Variants in GTF2I observed in about 807,000 individuals in gnomAD.
GTF2I encodes general transcription factor II-I.
In GTF2I, 12 loss-of-function variants were observed where a neutral mutation model predicts 67.6. The observed-to-expected ratio is 0.18, with a 90% CI of 0.11 to 0.29. GTF2I has a LOEUF of 0.29. GTF2I is among the 10% of genes least tolerant of loss of function. The probability of loss-of-function intolerance (pLI) is 1.00; values close to 1 mark genes in which losing one functional copy is unlikely to be tolerated. For synonymous variants in GTF2I, 149 were observed against 197.0 expected, an observed-to-expected ratio of 0.76 and a Z score of 2.04; for missense variants, 271 against 580.1, an observed-to-expected ratio of 0.47 and a Z score of 5.47.
chr7:74,700,944 A>C (rs781828524), intron 6 of GTF2I, among the ~76,000 whole-genome samples: 1 of 152,192 alleles, frequency 6.6e-6, no homozygotes, highest in African/African-American at 2.4e-5. Flanking sequence ...TGGGCACAGC[A>C]TTGGGTGGGG....
intron 1 of GTF2I, among the ~76,000 whole-genome samples, chr7:74,678,302 AG>A (rs1336699609): frequency 2.7e-5 from 4 of 150,380 alleles, no homozygotes; most frequent in Non-Finnish European, 5.9e-5. Context: ...ACTGTCTTCC[AG>A]GGACAATATC....
intron 12 of GTF2I, chr7:74,727,189 T>A (rs1176981755): frequency 6.6e-6 from 1 of 152,224 alleles, no homozygotes; most frequent in East Asian, 1.9e-4. Context: ...TCCAGTTGAT[T>A]AGCACGGCCA....
intron 14 of GTF2I, among the ~76,000 whole-genome samples, chr7:74,731,985 C>T (rs1232407518): frequency 2.0e-5 from 3 of 150,212 alleles, no homozygotes; most frequent in African/African-American, 7.3e-5. Flanking sequence ...GTCTTAGTAT[C>T]CTCTTTTGTG....
At chr7:74,720,291 GTCTC>G (rs1792784982) in intron 12 of GTF2I, among the ~76,000 whole-genome samples, 1 of 151,812 alleles carries the variant, frequency 6.6e-6, no homozygotes, top group African/African-American at 2.4e-5. Flanking sequence ...TTTGCTGTCT[GTCTC>G]TCTTTCTCTC....
chr7:74,699,090 G>T lies in GTF2I; in HGVS notation c.368G>T (p.Cys123Phe). Residue 123 changes from cysteine (C) to phenylalanine (F), a missense_variant, in exon 4 of 35, where the codon TGC becomes TTC. Cys to Phe is a radical substitution (Grantham distance 205). Around this residue, in one of 9 missense-constraint regions of GTF2I, gnomAD observed 38 missense variants for 87.8 expected, o/e 0.43. Transcript: ENST00000573035. ...ACAGTTGAGGACTATTTCTGCTTTT[G>T]CTATGGTAAAAACAATAGATTTAAT... is the stretch of plus-strand genomic sequence containing the variant. Reference protein sequence around the residue: ...RKTVEDYFCFCYGKALGKSTV... With the variant: ...RKTVEDYFCFFYGKALGKSTV... The T allele has an allele frequency of 6.7e-7, 1 of 1,499,050 alleles. No individual in the cohort carries two copies. The highest frequency in any genetic ancestry group is 8.9e-7 in the Non-Finnish European group (1 of 1,117,734). The allele number at this position is 1,499,050 out of a possible 1,614,324, so 92.9% of individuals were successfully genotyped here. A position where few individuals can be genotyped will look rare whatever the true frequency, so the allele number is the denominator to read the frequency against.
intron 9 of GTF2I, among the ~76,000 whole-genome samples, chr7:74,713,641 A>G (rs118014609): frequency 1.3e-5 from 2 of 152,160 alleles, no homozygotes; most frequent in Non-Finnish European, 2.9e-5. Flanking sequence ...ACATGCTTGT[A>G]ATTGACTTAA....
intron 7 of GTF2I, among the ~76,000 whole-genome samples, chr7:74,705,753 G>A (rs1020738228): frequency 1.3e-5 from 2 of 151,918 alleles, no homozygotes; most frequent in African/African-American, 2.4e-5. Flanking sequence ...TAGTAGAGAC[G>A]GGGTTTCACC....
intron 1 of GTF2I, among the ~76,000 whole-genome samples, chr7:74,669,224 G>GTTTTTTTTT (rs34714148): frequency 1.3e-5 from 1 of 75,452 alleles, no homozygotes; most frequent in Non-Finnish European, 2.3e-5. Flanking sequence ...GACTAGTTTA[G>GTTTTTTTTT]TTTTTTTTTT....
At chr7:74,674,876 C>T (rs988860539) in intron 1 of GTF2I, among the ~76,000 whole-genome samples, 4 of 148,100 alleles carry the variant, frequency 2.7e-5, no homozygotes, top group Admixed American at 1.4e-4. Context: ...TTTTTTGAGA[C>T]GGAGTTTCAC....
chr7:74,712,799 T>C (rs1311395083), intron 9 of GTF2I, among the ~76,000 whole-genome samples: 1 of 152,016 alleles, frequency 6.6e-6, no homozygotes, highest in Non-Finnish European at 1.5e-5. Context: ...TTATCTGTTT[T>C]GTCACAAGTA....
chr7:74,691,023 T>C lies in GTF2I; in HGVS notation c.150T>C (p.Tyr50=), dbSNP rs2131294774. The C allele has an allele frequency of 6.2e-7, 1 of 1,613,478 alleles. No individual in the cohort carries two copies. The highest frequency in any genetic ancestry group is 8.5e-7 in the Non-Finnish European group (1 of 1,179,506). ...SKAEVACIAV[Y]ETDVFVVGTE... ...CCGAAGTGGCCTGCATTGCAGTGTA[T>C]GAAACAGACGTGTTTGTCGTCGGAA... Residue 50 remains tyrosine (Y), a synonymous_variant, in exon 3 of 35, where the codon TAT becomes TAC. Transcript: ENST00000573035.
chr7:74,685,808 G>A (rs1554395333), intron 1 of GTF2I, among the ~76,000 whole-genome samples: 2 of 151,694 alleles, frequency 1.3e-5, no homozygotes, highest in South Asian at 2.1e-4. Context: ...GGCTCACGCC[G>A]GTAATCCGGC....
intron 8 of GTF2I, among the ~76,000 whole-genome samples, chr7:74,707,707 T>C (rs1437777067): frequency 6.6e-6 from 1 of 152,150 alleles, no homozygotes; most frequent in Non-Finnish European, 1.5e-5. Context: ...TTTCAGTAGA[T>C]TGTGCCAAAA....
rs76227049 is a variant in GTF2I, at chr7:74,681,468, T to C, written c.-5-7656T>C. Among the ~76,000 whole-genome samples, 32 of 151,066 alleles carry C rather than the reference T, an allele frequency of 2.1e-4. No homozygotes were observed. In the East Asian group the frequency reaches 4.5e-3, roughly 21 times the overall value. ...AAAAAAAGAAAAAAAGAAAAAAAAATGGGAAAGAAGGCATACCAGGCTCAC... is the reference window on the plus strand; with the variant it reads ...AAAAAAAGAAAAAAAGAAAAAAAAACGGGAAAGAAGGCATACCAGGCTCAC... On this transcript the variant is annotated intron_variant, in intron 1 of 34. Coordinates refer to ENST00000573035, the MANE Select transcript of GTF2I (RefSeq NM_032999.4).
At chr7:74,705,634 T>G (rs949105425) in intron 7 of GTF2I, among the ~76,000 whole-genome samples, 2 of 151,916 alleles carry the variant, frequency 1.3e-5, no homozygotes, top group East Asian at 3.9e-4. Context: ...CTCGGCTCAC[T>G]GCAACCTCTG....
chr7:74,693,144 G>GTCTATTGGTGCCATTTT (rs1788505479), intron 3 of GTF2I, among the ~76,000 whole-genome samples: 1 of 151,668 alleles, frequency 6.6e-6, no homozygotes, highest in African/African-American at 2.4e-5. Flanking sequence ...CTTGTGTCAA[G>GTCTATTGGTGCCATTTT]TCTATTGGTG....
At chr7:74,664,630 A>G in intron 1 of GTF2I, among the ~76,000 whole-genome samples, 1 of 151,792 alleles carries the variant, frequency 6.6e-6, no homozygotes, top group African/African-American at 2.4e-5. Context: ...TACAGGTTTC[A>G]CCATGTTGGC....
intron 12 of GTF2I, among the ~76,000 whole-genome samples, chr7:74,725,028 T>A (rs934261344): frequency 2.0e-5 from 3 of 152,234 alleles, no homozygotes; most frequent in African/African-American, 7.2e-5. Flanking sequence ...CTGAAACGTG[T>A]GTCTTGTTAA....
chr7:74,683,772 G>A (rs782698048), intron 1 of GTF2I, among the ~76,000 whole-genome samples: 8 of 151,956 alleles, frequency 5.3e-5, no homozygotes, highest in Non-Finnish European at 8.8e-5. Flanking sequence ...AGAATTACTC[G>A]CACCCAGGAG....
Sources: gnomAD v4.1 joint callset for allele counts (sites outside exome capture counted in the v4.1 genomes callset) on GRCh38, gnomAD v4.1.1 for gene constraint, gnomAD v4.1.1 regional missense constraint, MANE v1.5 for transcripts, NCBI Gene and HGNC (gene_info 2026-07-23, HGNC 2026-07-21) for gene names.